CIT: variants seen among roughly 807,000 people sequenced by gnomAD.
CIT encodes the protein citron rho-interacting serine/threonine kinase, also known as citron Rho-interacting kinase.
In CIT, 79 loss-of-function variants were observed where a neutral mutation model predicts 272.7. The ratio of observed to expected loss-of-function variants is 0.29; its 90% CI spans 0.24 to 0.35. The LOEUF is 0.35. Among genes scored for constraint, CIT ranks in the 10% least tolerant of loss-of-function variants. The pLI, the probability that CIT is intolerant of heterozygous loss-of-function variation, is 1.00. For missense variants in CIT, 1,909 were observed against 2,618.3 expected, an observed-to-expected ratio of 0.73 and a Z score of 5.91; for synonymous variants, 948 against 995.6, an observed-to-expected ratio of 0.95 and a Z score of 0.90.
chr12:119,778,444 A>G (rs1174114564), intron 13 of CIT, among the ~76,000 whole-genome samples: 1 of 152,234 alleles, frequency 6.6e-6, no homozygotes, highest in Non-Finnish European at 1.5e-5. Context: ...AAGGAATTGA[A>G]TCAAGAATGT....
At chr12:119,798,090 C>T (rs999948640) in intron 10 of CIT, among the ~76,000 whole-genome samples, 3 of 151,888 alleles carry the variant, frequency 2.0e-5, no homozygotes, top group African/African-American at 4.8e-5. Context: ...TGTATGTGTG[C>T]GGGCACACAC....
chr12:119,688,144 G>C lies in CIT; in HGVS notation c.*88C>G. 1 of 1,445,224 alleles carries C rather than the reference G, an allele frequency of 6.9e-7. No individual in the cohort carries two copies. Among genetic ancestry groups the C allele is most frequent in the African/African-American group, 1.4e-5 (1 of 71,302 alleles). 89.5% of individuals were successfully genotyped at this position (1,445,224 alleles called of 1,614,324 possible). ...AGCCAGAGGGTGGCTGAGCACGTGGGCGCTTGGGTCCCCATCAGCAGAGTT... is the reference window on the plus strand; with the variant it reads ...AGCCAGAGGGTGGCTGAGCACGTGGCCGCTTGGGTCCCCATCAGCAGAGTT... On this transcript the variant is annotated 3_prime_UTR_variant, in exon 48 of 48. Transcript: ENST00000392521.
chr12:119,770,840 T>G lies in CIT; in HGVS notation c.2153A>C (p.Lys718Thr), dbSNP rs776987339. Reference protein sequence around the residue: ...ETMERRENRLKDDIQTKSQQI... With the variant: ...ETMERRENRLTDDIQTKSQQI... ...TTGGGATTTTGTCTGGATGTCATCC[T>G]TCAGTCTGTTTTCTCTACGCTCCAT... Residue 718 changes from lysine to threonine, a missense_variant, in exon 18 of 48, where the codon AAG (lysine) becomes ACG (threonine). By Grantham distance (78) the Lys-to-Thr change is moderately conservative (BLOSUM62 -1). Transcript: ENST00000392521. The surrounding 1 kb of genome is among the most constrained non-coding windows in gnomAD (Gnocchi z 4.4). 6.2e-7 allele frequency: 1 copy of G among 1,612,926 alleles called. No individual in the cohort carries two copies. The highest frequency in any genetic ancestry group is 8.5e-7 in the Non-Finnish European group (1 of 1,179,894).
At chr12:119,702,666 G>A (rs1004833983) in intron 41 of CIT, among the ~76,000 whole-genome samples, 8 of 151,006 alleles carry the variant, frequency 5.3e-5, no homozygotes, top group East Asian at 3.9e-4. Context: ...CAGCCTGGGC[G>A]ACAAGAGCAA....
At chr12:119,758,236 T>C (rs1461843560) in intron 21 of CIT, among the ~76,000 whole-genome samples, 1 of 152,200 alleles carries the variant, frequency 6.6e-6, no homozygotes, top group East Asian at 1.9e-4. Context: ...TAGTGACAAC[T>C]AAATGGATGG....
At chr12:119,861,332 T>G (rs1230983976) in intron 3 of CIT, among the ~76,000 whole-genome samples, 2 of 152,008 alleles carry the variant, frequency 1.3e-5, no homozygotes, top group Non-Finnish European at 2.9e-5. Context: ...ACGCCTGTAA[T>G]CCCAGCACTT....
intron 41 of CIT, among the ~76,000 whole-genome samples, chr12:119,703,333 C>T (rs921296621): frequency 2.0e-5 from 3 of 151,888 alleles, no homozygotes; most frequent in African/African-American, 7.3e-5. Flanking sequence ...CCAATGAACA[C>T]ACCAACTAAA....
chr12:119,787,184 C>T (rs960329323), intron 10 of CIT, among the ~76,000 whole-genome samples: 1 of 151,968 alleles, frequency 6.6e-6, no homozygotes, highest in Non-Finnish European at 1.5e-5. Context: ...AGGCTGGTCT[C>T]AAATTCCTGG....
chr12:119,754,964 T>C (rs567684160), intron 22 of CIT, among the ~76,000 whole-genome samples: 1 of 152,148 alleles, frequency 6.6e-6, no homozygotes, highest in African/African-American at 2.4e-5. Flanking sequence ...GAAGTCCATC[T>C]GGATTGTTTA....
intron 5 of CIT, among the ~76,000 whole-genome samples, chr12:119,842,712 A>G (rs892562002): frequency 3.3e-5 from 5 of 152,204 alleles, no homozygotes; most frequent in African/African-American, 9.6e-5. Flanking sequence ...TCAAAATGCA[A>G]AAGAACTCAA....
At position 119,728,520 on chromosome 12, in the gene CIT, T is replaced by A; in HGVS notation, c.3573A>T (p.Lys1191Asn). The change falls in exon 28 of 48, where the codon AAA becomes AAT. Residue 1191 changes from lysine to asparagine, a missense_variant. Physicochemically the swap from Lys to Asn is moderately conservative, Grantham distance 94. This residue lies in a region of CIT where 530 missense variants were observed against 822.4 expected (regional missense o/e 0.64). Transcript: ENST00000392521. This position sits in a 1 kb window ranked among gnomAD's most constrained non-coding sequence, Gnocchi z 4.3. ...QQKLETEREL[K>N]QRLLEEQAKL... Reference sequence around the variant, plus strand: ...CACTCACCTCTTCCAGAAGCCTCTGTTTGAGCTCTCGTTCAGTCTCCAGCT... The same window carrying A: ...CACTCACCTCTTCCAGAAGCCTCTGATTGAGCTCTCGTTCAGTCTCCAGCT... 6.2e-7 allele frequency: 1 copy of A among 1,612,240 alleles called. No individual in the cohort carries two copies. The highest frequency in any genetic ancestry group is 8.5e-7 in the Non-Finnish European group (1 of 1,178,972).
chr12:119,715,941 G>A (rs934645420), intron 32 of CIT, among the ~76,000 whole-genome samples: 1 of 152,128 alleles, frequency 6.6e-6, no homozygotes. Context: ...TAACAGGAAT[G>A]CACTTTGAAA....
chr12:119,727,600 T>C (rs892033364), intron 28 of CIT, among the ~76,000 whole-genome samples: 18 of 152,252 alleles, frequency 1.2e-4, no homozygotes, highest in Admixed American at 3.3e-4. Context: ...CCTAAAGCTA[T>C]TGAAATAAAA....
intron 3 of CIT, among the ~76,000 whole-genome samples, chr12:119,860,765 G>C (rs1593984973): frequency 6.6e-6 from 1 of 151,604 alleles, no homozygotes; most frequent in South Asian, 2.1e-4. Context: ...TTTATCTAAA[G>C]GCTTTTGGAT....
rs536205238 is a variant in CIT, at chr12:119,748,188, T to A, written c.2904+3862A>T. Among the ~76,000 whole-genome samples the A allele has an allele frequency of 2.6e-5, 4 of 152,150 alleles. No homozygotes were observed. The East Asian group carries it at 7.7e-4, about 29-fold the overall frequency. On this transcript the variant is annotated intron_variant, in intron 23 of 47. Transcript: ENST00000392521. ...TCAAAAAAAAGGAAAAAAAACCATCTGATCTTGGGAAACCCAGGAGTCCAC... is the reference window on the plus strand; with the variant it reads ...TCAAAAAAAAGGAAAAAAAACCATCAGATCTTGGGAAACCCAGGAGTCCAC...
intron 16 of CIT, among the ~76,000 whole-genome samples, chr12:119,773,441 T>C (rs1278932687): frequency 1.3e-5 from 2 of 151,296 alleles, no homozygotes; most frequent in Non-Finnish European, 3.0e-5. Context: ...CCTGTTTTGC[T>C]TTTTTTTTGA....
chr12:119,819,924 T>A (rs542596233), intron 9 of CIT, among the ~76,000 whole-genome samples: 122 of 152,286 alleles, frequency 8.0e-4, no homozygotes, highest in African/African-American at 2.9e-3. Context: ...GAAAATTTGC[T>A]AGGAGACACT....
chr12:119,835,772 G>A (rs531233704), intron 5 of CIT, among the ~76,000 whole-genome samples: 2 of 152,058 alleles, frequency 1.3e-5, no homozygotes, highest in Non-Finnish European at 2.9e-5. Flanking sequence ...AAGGCCTCAG[G>A]CTGGTCCAGT....
chr12:119,837,485 GTCT>G (rs1222957906), intron 5 of CIT, among the ~76,000 whole-genome samples: 2 of 152,230 alleles, frequency 1.3e-5, no homozygotes, highest in Non-Finnish European at 2.9e-5. Flanking sequence ...CAGTCTTTGA[GTCT>G]TCTTATCAGG....
Sources: gnomAD v4.1 joint callset for allele counts (sites outside exome capture counted in the v4.1 genomes callset) on GRCh38, gnomAD v4.1.1 for gene constraint, gnomAD v4.1.1 regional missense constraint, Gnocchi (gnomAD v3.1) non-coding constraint, MANE v1.5 for transcripts, NCBI Gene and HGNC (gene_info 2026-07-23, HGNC 2026-07-21) for gene names.